Variants in SUMF1 observed in about 807,000 individuals in gnomAD.
The protein encoded by SUMF1 is formylglycine-generating enzyme.
A neutral mutation model predicts 47.6 loss-of-function variants in SUMF1; 48 were observed. The observed-to-expected ratio is 1.01, with a 90% CI of 0.80 to 1.28. SUMF1 has a LOEUF of 1.28. SUMF1 is among the 50% of genes most tolerant of loss of function. The pLI is 0.00. For synonymous variants in SUMF1, 230 were observed against 192.1 expected, an observed-to-expected ratio of 1.20 and a Z score of -1.63; for missense variants, 571 against 485.4, an observed-to-expected ratio of 1.18 and a Z score of -1.66.
At chr3:4,234,935 C>G (rs1175967489) in intron 8 of SUMF1, among the ~76,000 whole-genome samples, 3 of 152,092 alleles carry the variant, frequency 2.0e-5, no homozygotes, top group African/African-American at 7.2e-5. Context: ...GTGTGTGTAT[C>G]CACATATCCA....
chr3:4,355,934 T>A (rs1163336293), intron 8 of SUMF1, among the ~76,000 whole-genome samples: 2 of 152,206 alleles, frequency 1.3e-5, no homozygotes, highest in African/African-American at 4.8e-5. Flanking sequence ...TTGGTACTAA[T>A]CCCTTGAACT....
chr3:4,342,646 C>A (rs1699295242), intron 8 of SUMF1, among the ~76,000 whole-genome samples: 1 of 152,204 alleles, frequency 6.6e-6, no homozygotes, highest in Non-Finnish European at 1.5e-5. Flanking sequence ...CAGAATTCCA[C>A]AGTGGAAGGT....
intron 8 of SUMF1, among the ~76,000 whole-genome samples, chr3:4,153,103 G>C (rs1410868653): frequency 1.3e-5 from 2 of 151,530 alleles, no homozygotes; most frequent in Admixed American, 6.6e-5. Flanking sequence ...TCCTCAAAAA[G>C]TTTAATGGAT....
intron 8 of SUMF1, among the ~76,000 whole-genome samples, chr3:4,122,306 A>G (rs747083523): frequency 2.0e-5 from 3 of 152,236 alleles, no homozygotes; most frequent in Non-Finnish European, 2.9e-5. Flanking sequence ...CAAAGGTCAC[A>G]TATTATATGA....
chr3:4,108,148 A>G (rs1435339097), intron 8 of SUMF1, among the ~76,000 whole-genome samples: 1 of 152,144 alleles, frequency 6.6e-6, no homozygotes, highest in African/African-American at 2.4e-5. Flanking sequence ...TTAGTTTCAA[A>G]GAACATCTTT....
chr3:4,151,893 C>G (rs1024633320), intron 8 of SUMF1, among the ~76,000 whole-genome samples: 2 of 151,360 alleles, frequency 1.3e-5, no homozygotes, highest in African/African-American at 4.9e-5. Flanking sequence ...CCCATGTAAG[C>G]ATGGTAAATA....
rs373511814 is a variant in SUMF1 at position 4,248,861 on chromosome 3, C to T, written c.1014+127469G>A. ...GCATGTGGTATGGAGGAAAACCGGA[C>T]ATTCCCACCTACCCACACTGTGGCC... On this transcript the variant is annotated intron_variant and NMD_transcript_variant, in intron 8 of 12. Coordinates refer to the SUMF1 transcript ENST00000448413. Among the ~76,000 whole-genome samples the T allele has an allele frequency of 5.9e-5, 9 of 152,332 alleles. No individual in the cohort carries two copies. The East Asian group carries it at 9.6e-4, about 16-fold the overall frequency.
chr3:4,349,298 C>T (rs555141901), intron 8 of SUMF1, among the ~76,000 whole-genome samples: 1 of 152,268 alleles, frequency 6.6e-6, no homozygotes, highest in African/African-American at 2.4e-5. Context: ...CATTTCACGC[C>T]AGTCAGAATG....
intron 8 of SUMF1, among the ~76,000 whole-genome samples, chr3:4,193,018 A>C (rs1304714802): frequency 6.6e-6 from 1 of 152,104 alleles, no homozygotes; most frequent in African/African-American, 2.4e-5. Flanking sequence ...TCAGCATGTC[A>C]AAACATAATT....
chr3:4,399,470 A>G (rs1244932033), intron 7 of SUMF1, among the ~76,000 whole-genome samples: 1 of 152,212 alleles, frequency 6.6e-6, no homozygotes, highest in African/African-American at 2.4e-5. Flanking sequence ...GAAAATGTAA[A>G]GAAGAGAATT....
intron 8 of SUMF1, among the ~76,000 whole-genome samples, chr3:4,239,043 ATTGC>A (rs1312755723): frequency 9.9e-5 from 15 of 152,200 alleles, no homozygotes; most frequent in Admixed American, 3.3e-4. Flanking sequence ...TCCTTTCCCT[ATTGC>A]TTGTTTTTGC....
intron 8 of SUMF1, chr3:4,317,352 A>G (rs1698707299): frequency 1.3e-6 from 1 of 780,354 alleles, no homozygotes; most frequent in South Asian, 1.9e-5. Context: ...ATAAATTAAA[A>G]TTGCATTTGA....
rs73806980 is a variant in SUMF1 at position 4,287,925 on chromosome 3, C to T, written c.1014+88405G>A. On this transcript the variant is annotated intron_variant and NMD_transcript_variant, in intron 8 of 12. Coordinates refer to the SUMF1 transcript ENST00000448413. ...ATATTTTGTAAGCTTTCTGATAATT[C>T]ACAGATTTGGATAATTAATGCTACT... Among the ~76,000 whole-genome samples, 954 of 152,246 alleles carry T rather than the reference C, an allele frequency of 6.3e-3. 14 individuals carry two copies. Among genetic ancestry groups the T allele is most frequent in the African/African-American group, 0.022 (919 of 41,546 alleles).
chr3:4,149,307 C>T (rs1158955688), intron 8 of SUMF1, among the ~76,000 whole-genome samples: 3 of 152,080 alleles, frequency 2.0e-5, no homozygotes, highest in African/African-American at 7.2e-5. Context: ...ATTTACAGCC[C>T]CATAATGGAG....
chr3:4,041,323 C>T (rs1006196049), intron 9 of SUMF1, among the ~76,000 whole-genome samples: 1 of 152,152 alleles, frequency 6.6e-6, no homozygotes, highest in African/African-American at 2.4e-5. Context: ...CTGCCCTCCT[C>T]GGCCTCCCAA....
intron 8 of SUMF1, among the ~76,000 whole-genome samples, chr3:4,276,199 C>A (rs554172258): frequency 6.6e-6 from 1 of 152,140 alleles, no homozygotes; most frequent in Non-Finnish European, 1.5e-5. Flanking sequence ...CAGGGGACAA[C>A]AGGCATGATT....
At chr3:4,427,875 T>C (rs866906712) in intron 3 of SUMF1, among the ~76,000 whole-genome samples, 4 of 152,134 alleles carry the variant, frequency 2.6e-5, no homozygotes, top group Admixed American at 6.5e-5. Flanking sequence ...AAAGAAGCCT[T>C]AAAAGTGATC....
intron 8 of SUMF1, among the ~76,000 whole-genome samples, chr3:4,342,252 G>C (rs1163060906): frequency 6.6e-6 from 1 of 152,138 alleles, no homozygotes; most frequent in African/African-American, 2.4e-5. Context: ...TTAAAAGTTG[G>C]CCAGGCGCAG....
chr3:4,126,158 C>G (rs970783160), intron 8 of SUMF1, among the ~76,000 whole-genome samples: 1 of 151,346 alleles, frequency 6.6e-6, no homozygotes, highest in African/African-American at 2.4e-5. Context: ...TCCCAGGACT[C>G]CTGAAAGATC....
Sources: allele counts gnomAD v4.1 joint callset (sites outside exome capture counted in the v4.1 genomes callset), GRCh38; gene constraint gnomAD v4.1.1; transcripts MANE v1.5; gene names NCBI Gene and HGNC (gene_info 2026-07-23, HGNC 2026-07-21).